Variants in TENM1 observed in about 807,000 individuals in gnomAD.
TENM1 encodes teneurin-1.
Under a neutral mutation model 174.8 loss-of-function variants are expected in TENM1, and 35 were observed. That is an observed-to-expected ratio of 0.20 (90% CI 0.15 to 0.27). TENM1 has a LOEUF of 0.27. TENM1 is among the 10% of genes least tolerant of loss of function. TENM1 has a pLI of 1.00. For synonymous variants in TENM1, 781 were observed against 798.7 expected (o/e 0.98, Z 0.37); for missense variants, 1,633 against 2,130.1 (o/e 0.77, Z 4.59).
At chrX:125,106,596 A>G in the TENM1 span, among the ~76,000 whole-genome samples, 3 of 110,144 alleles carry the variant, frequency 2.7e-5, no homozygotes, top group African/African-American at 9.9e-5. Flanking sequence ...TTTTTAGTAG[A>G]GACAGCGTTT....
chrX:125,006,388 T>C, the TENM1 span, among the ~76,000 whole-genome samples: 85 of 111,828 alleles, frequency 7.6e-4, 1 homozygote, highest in African/African-American at 2.6e-3. Flanking sequence ...GACAGAACTC[T>C]CACCTACCTG....
At chrX:124,663,878 G>A (rs772067945) in intron 6 of TENM1, among the ~76,000 whole-genome samples, 2 of 110,873 alleles carry the variant, frequency 1.8e-5, no homozygotes, top group Admixed American at 1.9e-4. Context: ...TTCAGCATAG[G>A]GAACCCTTTC....
chrX:125,072,071 C>G, the TENM1 span, among the ~76,000 whole-genome samples: 1 of 111,082 alleles, frequency 9.0e-6, no homozygotes, highest in Non-Finnish European at 1.9e-5. Flanking sequence ...GTGACAGAGA[C>G]AGGATGGACT....
rs141793819 is a variant in TENM1 at position 124,666,414 on chromosome X, T to C, written c.1168+5269A>G. ...GCCTTAATGCTCCTGGAAAACAATT[T>C]TGCTTAAGAAATTCCCCAACCTTTT... is the stretch of plus-strand genomic sequence containing the variant. On this transcript the variant is annotated intron_variant, in intron 6 of 31. Coordinates refer to ENST00000422452, the Ensembl canonical transcript of TENM1. Among the ~76,000 whole-genome samples, 31 of 111,829 alleles carry C rather than the reference T, an allele frequency of 2.8e-4. 1 individual carries two copies. In the East Asian group the frequency reaches 8.1e-3, roughly 29 times the overall value.
intron 3 of TENM1, among the ~76,000 whole-genome samples, chrX:124,866,703 AC>A (rs1377494515): frequency 8.9e-6 from 1 of 111,808 alleles, no homozygotes; most frequent in East Asian, 2.8e-4. Context: ...GAAATGAAAA[AC>A]AATACAAAAG....
intron 17 of TENM1, among the ~76,000 whole-genome samples, chrX:124,521,521 G>C (rs1045337157): frequency 7.1e-5 from 8 of 112,018 alleles, no homozygotes; most frequent in African/African-American, 2.6e-4. Context: ...TACACTAAAC[G>C]TTGGTCTCAG....
intron 1 of TENM1, among the ~76,000 whole-genome samples, chrX:124,940,735 C>G (rs1050166771): frequency 9.0e-6 from 1 of 111,318 alleles, no homozygotes; most frequent in Non-Finnish European, 1.9e-5. Context: ...ACAGCAGATG[C>G]TACGAGACAT....
At chrX:124,766,069 A>G (rs745643497) in intron 3 of TENM1, among the ~76,000 whole-genome samples, 3 of 111,836 alleles carry the variant, frequency 2.7e-5, no homozygotes, top group Non-Finnish European at 5.7e-5. Context: ...GCAAAACACT[A>G]TATTATCTCA....
intron 11 of TENM1, among the ~76,000 whole-genome samples, chrX:124,621,649 A>G (rs2050523561): frequency 8.9e-6 from 1 of 112,315 alleles, no homozygotes; most frequent in East Asian, 2.8e-4. Context: ...ACATGAAGTC[A>G]GGTGTGGAAT....
the TENM1 span, among the ~76,000 whole-genome samples, chrX:125,019,065 T>C: frequency 9.0e-6 from 1 of 111,729 alleles, no homozygotes; most frequent in South Asian, 3.7e-4. Flanking sequence ...CAAATGTGTT[T>C]TGCACATAAG....
At chrX:124,587,639 C>T (rs996723173) in intron 11 of TENM1, among the ~76,000 whole-genome samples, 5 of 110,829 alleles carry the variant, frequency 4.5e-5, no homozygotes, top group Non-Finnish European at 7.6e-5. Flanking sequence ...GCAAGGACTT[C>T]ATGTCTAAAA....
chrX:124,750,501 G>A (rs780481685), intron 3 of TENM1, among the ~76,000 whole-genome samples: 1 of 111,372 alleles, frequency 9.0e-6, no homozygotes, highest in Non-Finnish European at 1.9e-5. Context: ...TTTATTTTTG[G>A]CCCTCTAGTC....
chrX:124,888,197 G>A (rs191866320), intron 3 of TENM1, among the ~76,000 whole-genome samples: 2 of 111,556 alleles, frequency 1.8e-5, no homozygotes, highest in Non-Finnish European at 3.8e-5. Context: ...AGCACATACC[G>A]CACTACTTAG....
intron 4 of TENM1, among the ~76,000 whole-genome samples, chrX:124,715,931 AAAG>A (rs1333758380): frequency 2.7e-5 from 3 of 111,891 alleles, no homozygotes; most frequent in African/African-American, 3.2e-5. Context: ...AATTAATTAC[AAAG>A]AAGTACAAGA....
intron 22 of TENM1, among the ~76,000 whole-genome samples, chrX:124,472,895 T>C (rs1384400398): frequency 1.8e-5 from 2 of 111,707 alleles, no homozygotes; most frequent in Non-Finnish European, 3.8e-5. Context: ...TGGACCATCT[T>C]GTATTGATGG....
At chrX:124,792,707 T>C (rs1702355944) in intron 3 of TENM1, among the ~76,000 whole-genome samples, 1 of 112,445 alleles carries the variant, frequency 8.9e-6, no homozygotes, top group Non-Finnish European at 1.9e-5. Flanking sequence ...AAAAAAACAT[T>C]TTAATAAAGC....
chrX:124,399,031 A>T (rs2060370167), intron 27 of TENM1, among the ~76,000 whole-genome samples: 1 of 112,327 alleles, frequency 8.9e-6, no homozygotes, highest in East Asian at 2.8e-4. Context: ...GTTGTTTCTA[A>T]TTCTTTTGAA....
At chrX:124,626,975 C>T (rs764318584) in intron 11 of TENM1, among the ~76,000 whole-genome samples, 1 of 112,468 alleles carries the variant, frequency 8.9e-6, no homozygotes, top group South Asian at 3.7e-4. Context: ...AGATTCTCCT[C>T]TCTAACTACC....
chrX:124,738,062 C>G (rs1336604086), intron 3 of TENM1, among the ~76,000 whole-genome samples: 1 of 111,848 alleles, frequency 8.9e-6, no homozygotes, highest in Non-Finnish European at 1.9e-5. Flanking sequence ...GAATTTGGCC[C>G]ATGAGAAATA....
Sources: gnomAD v4.1 joint callset for allele counts (sites outside exome capture counted in the v4.1 genomes callset) on GRCh38, gnomAD v4.1.1 for gene constraint, MANE v1.5 for transcripts, NCBI Gene and HGNC (gene_info 2026-07-23, HGNC 2026-07-21) for gene names.